SNX5: variants seen among roughly 807,000 people sequenced by gnomAD.
The protein encoded by SNX5 is sorting nexin-5.
In SNX5, 31 loss-of-function variants were observed where a neutral mutation model predicts 53.9. That is an observed-to-expected ratio of 0.58 (90% confidence interval 0.43 to 0.78). The LOEUF (loss-of-function observed/expected upper bound fraction) is 0.78, where lower values mean the gene tolerates loss of function less well. SNX5 is among the 30% of genes least tolerant of loss of function. The pLI, the probability that SNX5 is intolerant of heterozygous loss-of-function variation, is 0.00. For missense variants in SNX5, 471 were observed against 478.8 expected (o/e 0.98, Z 0.15); for synonymous variants, 168 against 171.1 (o/e 0.98, Z 0.14).
intron 11 of SNX5, chr20:17,944,228 T>C (rs975070282): frequency 3.3e-4 from 50 of 152,306 alleles, no homozygotes; most frequent in African/African-American, 1.2e-3. Context: ...GGTAGAAGGC[T>C]GCAGCTAAAC....
rs755420861 is a variant in SNX5, at chr20:17,948,992, A to AAGG, written c.832-19_832-17dup. ...CCTCTACTTTCTATATAGAAAAGGAAAGGTCACCATCAAGGCAGAAAGCTA... is the reference window on the plus strand; with the variant it reads ...CCTCTACTTTCTATATAGAAAAGGAAAGGAGGTCACCATCAAGGCAGAAAGCTA... On this transcript the variant is annotated splice_polypyrimidine_tract_variant and intron_variant, in intron 9 of 12. Transcript: ENST00000377759. 1 of 1,611,302 alleles carries AAGG rather than the reference A, an allele frequency of 6.2e-7. No individual in the cohort carries two copies. The highest frequency in any genetic ancestry group is 1.7e-5 in the Admixed American group (1 of 60,018).
At chr20:17,942,784 G>C in intron 12 of SNX5, 1 of 366,390 alleles carries the variant, frequency 2.7e-6, no homozygotes, top group South Asian at 3.9e-5. Context: ...AGGGCTGGGA[G>C]CTTTAGCTCA....
chr20:17,944,576 TGC>T (rs2039460970), intron 11 of SNX5: 1 of 152,120 alleles, frequency 6.6e-6, no homozygotes, highest in African/African-American at 2.4e-5. Context: ...GACGGAATCT[TGC>T]TCTGTTGCCC....
intron 1 of SNX5, chr20:17,968,159 G>C (rs976651465): frequency 3.2e-5 from 13 of 405,222 alleles, no homozygotes; most frequent in Non-Finnish European, 5.6e-5. Context: ...CGCGTCTCTG[G>C]TTCTGTCCTA....
chr20:17,942,306 G>A lies in SNX5; in HGVS notation c.*51C>T, dbSNP rs554810351. 7 of 1,187,148 alleles carry A rather than the reference G, an allele frequency of 5.9e-6. No individual in the cohort carries two copies. The highest frequency in any genetic ancestry group is 8.8e-6 in the Non-Finnish European group (7 of 791,452). 73.5% of individuals were successfully genotyped at this position (1,187,148 alleles called of 1,614,324 possible). ...CCGTGGTAATGATTTAAGTGCAAGTGATGCTTGGCTTTCTTTCACATTCAT... is the reference window on the plus strand; with the variant it reads ...CCGTGGTAATGATTTAAGTGCAAGTAATGCTTGGCTTTCTTTCACATTCAT... On this transcript the variant is annotated 3_prime_UTR_variant, in exon 13 of 13. Coordinates refer to ENST00000377759, the MANE Select transcript of SNX5 (RefSeq NM_014426.4).
At chr20:17,961,821 GAT>G (rs1469860278) in intron 1 of SNX5, 1 of 985,380 alleles carries the variant, frequency 1.0e-6, no homozygotes, top group Non-Finnish European at 1.2e-6. Flanking sequence ...AATCATCGAT[GAT>G]TCTTAGCATG....
At position 17,949,121 on chromosome 20, in the gene SNX5, A is replaced by G. The variant is rs191348245; in HGVS notation, c.792-18T>C. 6.0e-5 allele frequency: 96 copies of G among 1,611,678 alleles called. No homozygotes were observed. The East Asian group carries it at 1.7e-3, about 29-fold the overall frequency. On this transcript the variant is annotated intron_variant, in intron 8 of 12. Transcript: ENST00000377759. ...ATAGGTACCTGGAAATGTACATATAATTTTGGTTTAAGGTCTTAAATCATC... is the reference window on the plus strand; with the variant it reads ...ATAGGTACCTGGAAATGTACATATAGTTTTGGTTTAAGGTCTTAAATCATC...
intron 3 of SNX5, among the ~76,000 whole-genome samples, chr20:17,954,712 A>C (rs1009740557): frequency 6.6e-6 from 1 of 152,028 alleles, no homozygotes; most frequent in African/African-American, 2.4e-5. Context: ...CTCCTTGAGC[A>C]CTTTTTTTGT....
intron 1 of SNX5, among the ~76,000 whole-genome samples, chr20:17,963,415 A>T (rs1429427007): frequency 6.6e-6 from 1 of 152,202 alleles, no homozygotes; most frequent in Non-Finnish European, 1.5e-5. Context: ...GCAGTGAACT[A>T]CGATCAGACC....
intron 1 of SNX5, 114 bp from the exon 2 acceptor site, chr20:17,957,151 T>G: frequency 1.4e-6 from 1 of 712,594 alleles, no homozygotes. Context: ...GAAATGTCAG[T>G]TGAGCTGGGC....
chr20:17,951,250 C>T, intron 6 of SNX5: 1 of 442,244 alleles, frequency 2.3e-6, no homozygotes, highest in Non-Finnish European at 4.2e-6. Flanking sequence ...GAGTAATCTC[C>T]CTCCTTACAG....
chr20:17,961,435 GAA>G, intron 1 of SNX5: 2 of 985,370 alleles, frequency 2.0e-6, no homozygotes, highest in Non-Finnish European at 2.4e-6. Context: ...GTGCCAAAAT[GAA>G]AAAGACACAG....
At chr20:17,965,782 C>T (rs1281372640) in intron 1 of SNX5, among the ~76,000 whole-genome samples, 1 of 151,578 alleles carries the variant, frequency 6.6e-6, no homozygotes, top group East Asian at 1.9e-4. Context: ...ACACCGAGTA[C>T]AAGTTACTGA....
chr20:17,964,176 T>C (rs2035500817), intron 1 of SNX5, among the ~76,000 whole-genome samples: 2 of 152,176 alleles, frequency 1.3e-5, no homozygotes, highest in African/African-American at 4.8e-5. Flanking sequence ...CTACCAAGTA[T>C]CTAACAGCAC....
chr20:17,942,715 G>A, intron 12 of SNX5: 1 of 420,626 alleles, frequency 2.4e-6, no homozygotes, highest in Non-Finnish European at 4.3e-6. Context: ...GACACTATCA[G>A]TGCGTTGTTC....
chr20:17,952,541 A>G (rs1174291964), intron 5 of SNX5, 46 bp downstream of exon 5: 4 of 1,578,230 alleles, frequency 2.5e-6, no homozygotes, highest in Non-Finnish European at 2.6e-6. Context: ...TTTTGAAAGT[A>G]TAAACATTTG....
chr20:17,942,402 A>G lies in SNX5; in HGVS notation c.1170T>C (p.Asn390=), dbSNP rs565150872. 6.2e-7 allele frequency: 1 copy of G among 1,611,338 alleles called. No homozygotes were observed. Among genetic ancestry groups the G allele is most frequent in the East Asian group, 2.2e-5 (1 of 44,854 alleles). ...SELEIKHARN[N]VSLLQSCIDL... is the part of the protein sequence containing the mutation. ...CAATACAGCTCTGCAAAAGGGAGAC[A>G]TTGTTCTGTGGGGAAAAAAGGCAAG... Residue 390 remains asparagine (N), a synonymous_variant, in exon 13 of 13, where the codon AAT becomes AAC. Transcript: ENST00000377759.
At chr20:17,948,578 C>T (rs937287700) in intron 10 of SNX5, among the ~76,000 whole-genome samples, 4 of 152,234 alleles carry the variant, frequency 2.6e-5, no homozygotes, top group African/African-American at 7.2e-5. Context: ...TAACGCTTCA[C>T]GGCTCAAAGG....
At chr20:17,961,790 A>G (rs1485735325) in intron 1 of SNX5, 1 of 985,350 alleles carries the variant, frequency 1.0e-6, no homozygotes, top group African/African-American at 1.7e-5. Flanking sequence ...AGATTTTGCC[A>G]GCAAGAGGGC....
Sources: gnomAD v4.1 joint callset for allele counts (sites outside exome capture counted in the v4.1 genomes callset) on GRCh38, gnomAD v4.1.1 for gene constraint, MANE v1.5 for transcripts, NCBI Gene and HGNC (gene_info 2026-07-23, HGNC 2026-07-21) for gene names.